The following MBNL1 variants were observed in gnomAD, a reference collection of about 807,000 sequenced individuals.
MBNL1 encodes muscleblind-like protein 1.
Under a neutral mutation model 42.2 loss-of-function variants are expected in MBNL1, and 8 were observed. The ratio of observed to expected loss-of-function variants is 0.19; its 90% CI spans 0.11 to 0.34. The LOEUF (loss-of-function observed/expected upper bound fraction) is 0.34, where lower values mean the gene tolerates loss of function less well. Ranked by LOEUF, MBNL1 falls within the 10% of genes least tolerant of loss-of-function variation. The pLI is 1.00. For missense variants in MBNL1, 309 were observed against 495.3 expected (o/e 0.62, Z 3.57); for synonymous variants, 169 against 173.9 (o/e 0.97, Z 0.22).
At chr3:152,377,922 T>C (rs371388359) in intron 2 of MBNL1, among the ~76,000 whole-genome samples, 4 of 152,202 alleles carry the variant, frequency 2.6e-5, no homozygotes, top group African/African-American at 9.6e-5. Flanking sequence ...TTCTCATTAG[T>C]GTTATAACTA....
Position 152,350,508 on chromosome 3 carries a change from T to G in MBNL1, c.174+50141T>G, listed in dbSNP as rs956636090. 2.0e-5 allele frequency among the ~76,000 whole-genome samples: 3 copies of G among 152,254 alleles called. No individual in the cohort carries two copies. The East Asian group carries it at 5.8e-4, about 29-fold the overall frequency. ...AGAGGTTGTTGTAGAGCAGTGAGGGTTATTCCACTGCAGAATAGTGGAAGC... is the reference window on the plus strand; with the variant it reads ...AGAGGTTGTTGTAGAGCAGTGAGGGGTATTCCACTGCAGAATAGTGGAAGC... On this transcript the variant is annotated intron_variant, in intron 2 of 9. Transcript: ENST00000324210.
At chr3:152,418,803 G>A (rs193187903) in intron 3 of MBNL1, among the ~76,000 whole-genome samples, 31 of 143,542 alleles carry the variant, frequency 2.2e-4, no homozygotes, top group African/African-American at 7.4e-4. Flanking sequence ...TGCAAGCTCC[G>A]CCTCCCAAGT....
At position 152,315,860 on chromosome 3, in the gene MBNL1, ACACACACTCT is replaced by A. The variant is rs954086781; in HGVS notation, c.174+15495_174+15504del. Among the ~76,000 whole-genome samples, 24 of 119,752 alleles carry A rather than the reference ACACACACTCT, an allele frequency of 2.0e-4. No homozygotes were observed. In the South Asian group the frequency reaches 2.6e-3, roughly 13 times the overall value. The allele number at this position is 119,752 out of a possible 152,430, so 78.6% of individuals were successfully genotyped here. A position where few individuals can be genotyped will look rare whatever the true frequency, so the allele number is the denominator to read the frequency against. On this transcript the variant is annotated intron_variant, in intron 2 of 9. Coordinates refer to ENST00000324210, the MANE Select transcript of MBNL1 (RefSeq NM_021038.5). ...AAAGCGTGTGAACACACACACACAC[ACACACACTCT>A]CTCTCTCTCTCTCTCTCACTCCTCT...
Position 152,465,002 on chromosome 3 carries a change from G to A in MBNL1, c.*2636G>A, listed in dbSNP as rs1288941117. 4 of 152,556 alleles carry A rather than the reference G, an allele frequency of 2.6e-5. No homozygotes were observed. Among genetic ancestry groups the A allele is most frequent in the Admixed American group, 1.3e-4 (2 of 15,258 alleles). The allele number at this position is 152,556 out of a possible 1,614,324, so 9.5% of individuals were successfully genotyped here. On this transcript the variant is annotated 3_prime_UTR_variant, in exon 10 of 10. Coordinates refer to ENST00000324210, the MANE Select transcript of MBNL1 (RefSeq NM_021038.5). ...AAACATGTTGCTTTGCTTTCTTGTG[G>A]ACAGCTTGTAGTTTGCCAGGATTTT...
chr3:152,264,539 G>C (rs2149540179), upstream of MBNL1: 1 of 152,064 alleles, frequency 6.6e-6, no homozygotes, highest in East Asian at 1.9e-4. Context: ...AAAATGAATG[G>C]CCTGAGAGAG....
intron 1 of MBNL1, among the ~76,000 whole-genome samples, chr3:152,297,263 T>TTG (rs1553786797): frequency 1.3e-5 from 2 of 151,530 alleles, no homozygotes; most frequent in East Asian, 1.9e-4. Context: ...TGTTTTTTTT[T>TTG]TTTTTTTTTT....
intron 2 of MBNL1, among the ~76,000 whole-genome samples, chr3:152,355,676 G>A (rs2095464409): frequency 6.6e-6 from 1 of 152,116 alleles, no homozygotes. Context: ...ATATGACACA[G>A]CTAGGCTAAA....
rs913759231 is a variant in MBNL1, at chr3:152,408,851, G to A, written c.175-6090G>A. Among the ~76,000 whole-genome samples, 3 of 152,218 alleles carry A rather than the reference G, an allele frequency of 2.0e-5. No homozygotes were observed. In the South Asian group the frequency reaches 6.2e-4, roughly 32 times the overall value. On this transcript the variant is annotated intron_variant, in intron 2 of 9. Transcript: ENST00000324210. ...GGGGTAATATAGGCATTTAGTGGTTGTAAGTTAAGGATGCTGCTAAACATA... is the reference window on the plus strand; with the variant it reads ...GGGGTAATATAGGCATTTAGTGGTTATAAGTTAAGGATGCTGCTAAACATA...
chr3:152,331,203 C>T (rs192527250), intron 2 of MBNL1, among the ~76,000 whole-genome samples: 1 of 152,188 alleles, frequency 6.6e-6, no homozygotes, highest in Non-Finnish European at 1.5e-5. Context: ...CACACATACA[C>T]ACATACACAC....
chr3:152,416,985 A>T (rs2098712502), intron 3 of MBNL1, among the ~76,000 whole-genome samples: 1 of 152,218 alleles, frequency 6.6e-6, no homozygotes, highest in Admixed American at 6.5e-5. Flanking sequence ...ATATGACTAG[A>T]TTTGAATGTG....
intron 3 of MBNL1, 120 bp downstream of exon 3, chr3:152,415,231 A>G: frequency 1.6e-5 from 15 of 909,596 alleles, no homozygotes; most frequent in Non-Finnish European, 2.3e-5. Flanking sequence ...TTGCCTTACC[A>G]TTTTCTAGCA....
chr3:152,310,936 TATA>T (rs1212543132), intron 2 of MBNL1, among the ~76,000 whole-genome samples: 1 of 148,260 alleles, frequency 6.7e-6, no homozygotes, highest in Non-Finnish European at 1.5e-5. Context: ...TTGCTTGAAA[TATA>T]ATATATTTTA....
chr3:152,449,575 C>T (rs144920887), intron 6 of MBNL1, among the ~76,000 whole-genome samples: 60 of 152,228 alleles, frequency 3.9e-4, no homozygotes, highest in African/African-American at 1.3e-3. Flanking sequence ...ACACTAGTGT[C>T]TCCCTAGAAT....
At chr3:152,340,021 A>G (rs2092699572) in intron 2 of MBNL1, 1 of 152,422 alleles carries the variant, frequency 6.6e-6, no homozygotes. Flanking sequence ...GAAAGAGGAG[A>G]TAAAAAGGCC....
At chr3:152,397,401 C>T (rs2098011878) in intron 2 of MBNL1, among the ~76,000 whole-genome samples, 1 of 152,064 alleles carries the variant, frequency 6.6e-6, no homozygotes, top group Non-Finnish European at 1.5e-5. Flanking sequence ...TTTTCCCCTC[C>T]CTTCGTCCAT....
rs529590831 is a variant in MBNL1 at position 152,374,253 on chromosome 3, C to T, written c.175-40688C>T. ...TAAAAGTATGATACTTTATTATTTG[C>T]AAATTATTTAATTTTTAAAAGTGAT... On this transcript the variant is annotated intron_variant, in intron 2 of 9. Coordinates refer to ENST00000324210, the MANE Select transcript of MBNL1 (RefSeq NM_021038.5). Among the ~76,000 whole-genome samples, 4 of 152,204 alleles carry T rather than the reference C, an allele frequency of 2.6e-5. No individual in the cohort carries two copies. The South Asian group carries it at 8.3e-4, about 32-fold the overall frequency.
intron 1 of MBNL1, among the ~76,000 whole-genome samples, chr3:152,280,458 A>G (rs911442173): frequency 4.6e-5 from 7 of 152,192 alleles, no homozygotes; most frequent in Admixed American, 1.3e-4. Context: ...GCATAGTATC[A>G]TCCTGGACTA....
upstream of MBNL1, chr3:152,264,986 G>A (rs1285170595): frequency 6.6e-6 from 1 of 151,982 alleles, no homozygotes; most frequent in Non-Finnish European, 1.5e-5. Flanking sequence ...AAATTGTGTT[G>A]TGTATGAAAT....
intron 2 of MBNL1, among the ~76,000 whole-genome samples, chr3:152,342,275 T>G (rs1428360052): frequency 1.3e-5 from 2 of 152,180 alleles, no homozygotes; most frequent in East Asian, 3.9e-4. Flanking sequence ...CCAACTCAAT[T>G]TTGGGTTGCC....
Sources: gnomAD v4.1 joint callset for allele counts (sites outside exome capture counted in the v4.1 genomes callset) on GRCh38, gnomAD v4.1.1 for gene constraint, MANE v1.5 for transcripts, NCBI Gene and HGNC (gene_info 2026-07-23, HGNC 2026-07-21) for gene names.